The following LAMB1 variants were observed in gnomAD, a reference collection of about 807,000 sequenced individuals.
LAMB1 encodes the protein laminin subunit beta 1, also known as laminin subunit beta-1.
A neutral mutation model predicts 222.3 loss-of-function variants in LAMB1; 121 were observed. The ratio of observed to expected loss-of-function variants is 0.54; its 90% CI spans 0.47 to 0.63. The LOEUF is 0.63. Among genes scored for constraint, LAMB1 ranks in the 30% least tolerant of loss-of-function variants. The pLI, the probability that LAMB1 is intolerant of heterozygous loss-of-function variation, is 0.00. For synonymous variants in LAMB1, 794 were observed against 807.2 expected (o/e 0.98, Z 0.28); for missense variants, 2,172 against 2,240.8 (o/e 0.97, Z 0.62).
intron 7 of LAMB1, among the ~76,000 whole-genome samples, chr7:107,983,719 T>C (rs531678030): frequency 2.6e-5 from 4 of 151,976 alleles, no homozygotes; most frequent in East Asian, 1.9e-4. Context: ...GGTTTCACCA[T>C]GTTGGTCAGG....
intron 24 of LAMB1, 160 bp from the exon 25 acceptor site, chr7:107,940,518 A>G (rs1162891565): frequency 7.4e-6 from 5 of 677,878 alleles, no homozygotes; most frequent in Admixed American, 5.8e-5. Flanking sequence ...AGCTTCCTCT[A>G]GCACATGCGT....
chr7:107,943,799 A>G (rs1047904885), intron 24 of LAMB1, among the ~76,000 whole-genome samples: 6 of 152,154 alleles, frequency 3.9e-5, no homozygotes, highest in Non-Finnish European at 7.4e-5. Context: ...ATATTAGAGA[A>G]AAAAAGAGAG....
chr7:107,973,651 T>C (rs1356880209), intron 12 of LAMB1, among the ~76,000 whole-genome samples: 1 of 151,942 alleles, frequency 6.6e-6, no homozygotes, highest in Non-Finnish European at 1.5e-5. Flanking sequence ...CAATTTATTT[T>C]ATTTATTTTT....
rs79829796 is a variant in LAMB1 at position 107,964,859 on chromosome 7, A to T, written c.1563-172T>A. 0.041 allele frequency among the ~76,000 whole-genome samples: 6,309 copies of T among 152,270 alleles called. 416 individuals are homozygous for T. Among genetic ancestry groups the T allele is most frequent in the African/African-American group, 0.14 (5,943 of 41,508 alleles). On this transcript the variant is annotated intron_variant, in intron 13 of 33. Transcript: ENST00000222399. ...AAAGTAGTGCCTATGGATTAATCCCAAACTCCAGAAGCGTGGCTGAGAACC... is the reference window on the plus strand; with the variant it reads ...AAAGTAGTGCCTATGGATTAATCCCTAACTCCAGAAGCGTGGCTGAGAACC...
intron 15 of LAMB1, among the ~76,000 whole-genome samples, 198 bp downstream of exon 15, chr7:107,962,707 C>CAAA (rs57580761): frequency 7.1e-5 from 7 of 98,656 alleles, no homozygotes; most frequent in East Asian, 3.2e-4. Flanking sequence ...GAGCGAGACT[C>CAAA]AAAAAAAAAA....
At chr7:107,983,465 A>G (rs1584530867) in intron 7 of LAMB1, among the ~76,000 whole-genome samples, 1 of 152,236 alleles carries the variant, frequency 6.6e-6, no homozygotes, top group Admixed American at 6.5e-5. Context: ...AACAGCAACA[A>G]ATGTAGCAAC....
At chr7:107,987,085 A>G (rs1483590425) in intron 5 of LAMB1, among the ~76,000 whole-genome samples, 1 of 152,252 alleles carries the variant, frequency 6.6e-6, no homozygotes, top group African/African-American at 2.4e-5. Flanking sequence ...TAAACAAAAT[A>G]TGATATATAC....
intron 15 of LAMB1, among the ~76,000 whole-genome samples, chr7:107,961,979 A>G (rs1466490967): frequency 6.6e-6 from 1 of 152,176 alleles, no homozygotes. Flanking sequence ...TGTGAATATT[A>G]TAGTCCAAAT....
At chr7:107,983,160 C>T (rs992322582) in intron 7 of LAMB1, among the ~76,000 whole-genome samples, 8 of 152,154 alleles carry the variant, frequency 5.3e-5, no homozygotes, top group Non-Finnish European at 8.8e-5. Flanking sequence ...AATTACAGAC[C>T]AGAGACAGGC....
intron 7 of LAMB1, among the ~76,000 whole-genome samples, chr7:107,981,203 T>C (rs910171609): frequency 6.6e-6 from 1 of 152,056 alleles, no homozygotes; most frequent in Non-Finnish European, 1.5e-5. Context: ...TCCCAGCATT[T>C]TGGGAGGCCG....
rs1173912955 is a variant in LAMB1, at chr7:107,986,082, T to G, written c.616A>C (p.Ile206Leu). 1.2e-6 allele frequency: 2 copies of G among 1,612,426 alleles called. No individual in the cohort carries two copies. The highest frequency in any genetic ancestry group is 1.7e-6 in the Non-Finnish European group (2 of 1,178,566). Residue 206 changes from isoleucine to leucine, a missense_variant, in exon 7 of 34, where the codon ATA becomes CTA. Coordinates refer to ENST00000222399, the MANE Select transcript of LAMB1 (RefSeq NM_002291.3). ...DIEPSTEGEV[I>L]FRALDPAFKI... ...AAAGCAGGATCTAAAGCACGAAATATCACCTAAAAATGGAAACAAGAGTAA... is the reference window on the plus strand; with the variant it reads ...AAAGCAGGATCTAAAGCACGAAATAGCACCTAAAAATGGAAACAAGAGTAA...
At chr7:108,001,871 A>T in intron 2 of LAMB1, 138 bp from the exon 3 acceptor site, 1 of 1,492,708 alleles carries the variant, frequency 6.7e-7, no homozygotes, top group South Asian at 1.3e-5. Context: ...CACAGAAAAG[A>T]CAATGGAGAG....
At chr7:107,973,732 G>A (rs765482593) in intron 12 of LAMB1, among the ~76,000 whole-genome samples, 15 of 152,060 alleles carry the variant, frequency 9.9e-5, no homozygotes, top group East Asian at 5.8e-4. Flanking sequence ...TACAACCTCC[G>A]CCTCCTGGTT....
In LAMB1 at chr7:107,974,129, A is replaced by G. The variant is rs148431876; in HGVS notation, c.1482+857T>C. Reference sequence around the variant, plus strand: ...TCTCCTTTAAGAATATATTAAGATTATATATAAATATACATATTTAATGGT... The same window carrying G: ...TCTCCTTTAAGAATATATTAAGATTGTATATAAATATACATATTTAATGGT... On this transcript the variant is annotated intron_variant, in intron 12 of 33. Transcript: ENST00000222399. Among the ~76,000 whole-genome samples the G allele has an allele frequency of 3.6e-3, 554 of 152,190 alleles. 6 individuals are homozygous for G. Among genetic ancestry groups the G allele is most frequent in the African/African-American group, 0.012 (510 of 41,526 alleles).
At chr7:107,964,140 T>G (rs1189271746) in intron 14 of LAMB1, among the ~76,000 whole-genome samples, 1 of 152,058 alleles carries the variant, frequency 6.6e-6, no homozygotes, top group Non-Finnish European at 1.5e-5. Flanking sequence ...TGGAGAGAAA[T>G]GCCCAGCCAG....
At chr7:107,954,672 C>T (rs958372955) in intron 21 of LAMB1, among the ~76,000 whole-genome samples, 8 of 152,032 alleles carry the variant, frequency 5.3e-5, no homozygotes, top group Non-Finnish European at 1.0e-4. Flanking sequence ...GTGCCTGTAG[C>T]CCCAGCTACT....
In LAMB1 at chr7:107,964,600, G is replaced by A. The variant is rs200415296; in HGVS notation, c.1650C>T (p.Ala550=). The A allele has an allele frequency of 6.2e-7, 1 of 1,614,174 alleles. No individual in the cohort carries two copies. The change falls in exon 14 of 34, where the codon GCC becomes GCT. Residue 550 remains alanine, a synonymous_variant. Transcript: ENST00000222399. ...CNEVEPGYYF[A]TLDHYLYEAE... ...CTTCATAGAGGTAGTGATCCAGGGT[G>A]GCAAAGTAGTAACCAGGTTCCACTT...
intron 13 of LAMB1, 53 bp from the exon 14 acceptor site, chr7:107,964,740 C>T: frequency 1.2e-6 from 2 of 1,602,348 alleles, no homozygotes; most frequent in Non-Finnish European, 1.7e-6. Context: ...GCGAGTCAAC[C>T]CGCCAGAAGC....
rs116158350 is a variant in LAMB1, at chr7:107,982,128, T to C, written c.677-1317A>G. ...TCTGCAGACTTCTGCTTATTGTAAA[T>C]GCTGGGCTACCAATTCATTCTATAG... On this transcript the variant is annotated intron_variant, in intron 7 of 33. Transcript: ENST00000222399. 7.9e-3 allele frequency among the ~76,000 whole-genome samples: 1,202 copies of C among 152,352 alleles called. 24 individuals carry two copies. Among genetic ancestry groups the C allele is most frequent in the African/African-American group, 0.027 (1,133 of 41,580 alleles).
Sources: allele counts gnomAD v4.1 joint callset (sites outside exome capture counted in the v4.1 genomes callset), GRCh38; gene constraint gnomAD v4.1.1; transcripts MANE v1.5; gene names NCBI Gene and HGNC (gene_info 2026-07-23, HGNC 2026-07-21).